The following KLF8 variants were observed in gnomAD, a reference collection of about 807,000 sequenced individuals.
KLF8 encodes Krueppel-like factor 8.
Under a neutral mutation model 18.2 loss-of-function variants are expected in KLF8, and 10 were observed. That is an observed-to-expected ratio of 0.55 (90% CI 0.34 to 0.93). KLF8 has a LOEUF of 0.93. Among genes scored for constraint, KLF8 ranks in the 40% least tolerant of loss-of-function variants. The pLI, the probability that KLF8 is intolerant of heterozygous loss-of-function variation, is 0.02. For synonymous variants in KLF8, 109 were observed against 97.3 expected (o/e 1.12, Z -0.71); for missense variants, 264 against 277.9 (o/e 0.95, Z 0.36).
intron 2 of KLF8, among the ~76,000 whole-genome samples, chrX:56,256,269 T>C (rs182943808): frequency 1.9e-3 from 209 of 111,966 alleles, no homozygotes; most frequent in Non-Finnish European, 2.2e-3. Flanking sequence ...GGATCTTCTC[T>C]CTTTTTTTCT....
chrX:56,203,359 C>T, the KLF8 span, among the ~76,000 whole-genome samples: 1 of 112,373 alleles, frequency 8.9e-6, no homozygotes, highest in Non-Finnish European at 1.9e-5. Flanking sequence ...CAAAGATTTT[C>T]TCCCACTCTG....
chrX:56,282,171 ATTC>A (rs1042907824), intron 5 of KLF8, among the ~76,000 whole-genome samples: 6 of 112,491 alleles, frequency 5.3e-5, no homozygotes, highest in Non-Finnish European at 1.1e-4. Context: ...CTGAAATCCT[ATTC>A]TTCTTCCCTC....
At chrX:56,107,630 G>C in the KLF8 span, among the ~76,000 whole-genome samples, 4 of 111,525 alleles carry the variant, frequency 3.6e-5, no homozygotes, top group Non-Finnish European at 7.5e-5. Flanking sequence ...GTCTGTCACG[G>C]AGTCCCTTGC....
chrX:56,230,595 A>T (rs1285815934), upstream of KLF8, among the ~76,000 whole-genome samples: 3 of 111,679 alleles, frequency 2.7e-5, no homozygotes, highest in African/African-American at 6.5e-5. Context: ...ATGCATGTGT[A>T]TTTATTTAAC....
the KLF8 span, among the ~76,000 whole-genome samples, chrX:56,116,716 A>G: frequency 9.5e-6 from 1 of 104,925 alleles, no homozygotes; most frequent in East Asian, 3.0e-4. Context: ...ATCACCTTAC[A>G]GTTACCGTAT....
At chrX:56,195,427 C>T in the KLF8 span, among the ~76,000 whole-genome samples, 1 of 111,973 alleles carries the variant, frequency 8.9e-6, no homozygotes, top group South Asian at 3.7e-4. Flanking sequence ...TTGAGAACTT[C>T]GTGACACGTG....
chrX:56,058,359 C>G, the KLF8 span, among the ~76,000 whole-genome samples: 1 of 64,035 alleles, frequency 1.6e-5, no homozygotes, highest in African/African-American at 5.7e-5. Context: ...TTTATATATA[C>G]TTTAAGTTCT....
the KLF8 span, among the ~76,000 whole-genome samples, chrX:56,084,116 G>C: frequency 8.9e-6 from 1 of 112,014 alleles, no homozygotes; most frequent in Non-Finnish European, 1.9e-5. Context: ...CATGGTGGAT[G>C]ATGCCTGTAA....
chrX:56,038,535 A>G, the KLF8 span, among the ~76,000 whole-genome samples: 1 of 112,514 alleles, frequency 8.9e-6, no homozygotes, highest in African/African-American at 3.2e-5. Flanking sequence ...ATGTCCCTAC[A>G]AGAACATGAT....
the KLF8 span, among the ~76,000 whole-genome samples, chrX:56,051,835 G>A: frequency 1.2e-4 from 13 of 107,381 alleles, no homozygotes; most frequent in African/African-American, 4.9e-4. Context: ...TATTGGGGAA[G>A]TTCTCCTGGA....
chrX:55,961,216 G>C, the KLF8 span: 1 of 293,030 alleles, frequency 3.4e-6, no homozygotes, highest in South Asian at 3.7e-5. Flanking sequence ...GCGTGGCCCT[G>C]CTGCACTCCA....
At chrX:56,086,380 T>A in the KLF8 span, among the ~76,000 whole-genome samples, 1 of 111,146 alleles carries the variant, frequency 9.0e-6, no homozygotes, top group South Asian at 3.9e-4. Context: ...TTGAGTTCCA[T>A]CCAATCGGAG....
chrX:56,049,124 G>T, the KLF8 span, among the ~76,000 whole-genome samples: 1 of 111,958 alleles, frequency 8.9e-6, no homozygotes, highest in East Asian at 2.8e-4. Context: ...TTTGTATCCT[G>T]AGACTTTGCT....
At chrX:56,099,993 A>C in the KLF8 span, among the ~76,000 whole-genome samples, 1 of 111,938 alleles carries the variant, frequency 8.9e-6, no homozygotes, top group Middle Eastern at 4.2e-3. Flanking sequence ...AGACAAAAGG[A>C]GCCTTATATT....
the KLF8 span, among the ~76,000 whole-genome samples, chrX:56,152,670 G>A: frequency 3.6e-5 from 4 of 111,140 alleles, no homozygotes; most frequent in Non-Finnish European, 5.7e-5. Flanking sequence ...GAGAGGGGAA[G>A]GTAATCAAAG....
the KLF8 span, among the ~76,000 whole-genome samples, chrX:56,171,644 T>A: frequency 9.0e-6 from 1 of 111,536 alleles, no homozygotes; most frequent in Non-Finnish European, 1.9e-5. Context: ...ATCCTTGTGA[T>A]GGTTTGCTCA....
the KLF8 span, among the ~76,000 whole-genome samples, chrX:56,005,029 GATTATT>G: frequency 0.14 from 13,784 of 99,878 alleles, 1,830 homozygotes; most frequent in African/African-American, 0.4. Flanking sequence ...TATCCTTTAT[GATTATT>G]ATTATTATTA....
the KLF8 span, among the ~76,000 whole-genome samples, chrX:55,941,046 A>G: frequency 8.9e-6 from 1 of 111,843 alleles, no homozygotes; most frequent in Non-Finnish European, 1.9e-5. Context: ...TATGGAACCA[A>G]AAAAGAGCCC....
the KLF8 span, among the ~76,000 whole-genome samples, chrX:55,936,588 CG>C: frequency 1.7e-4 from 19 of 112,550 alleles, no homozygotes; most frequent in Admixed American, 1.7e-3. Context: ...CATTGCCTCA[CG>C]CAGGAAACGC....
Sources: gnomAD v4.1 joint callset for allele counts (sites outside exome capture counted in the v4.1 genomes callset) on GRCh38, gnomAD v4.1.1 for gene constraint, MANE v1.5 for transcripts, NCBI Gene and HGNC (gene_info 2026-07-23, HGNC 2026-07-21) for gene names.